The following EBF1 variants were observed in gnomAD, a reference collection of about 807,000 sequenced individuals.
EBF1 encodes the protein EBF transcription factor 1, also known as transcription factor COE1.
In EBF1, 10 loss-of-function variants were observed where a neutral mutation model predicts 68.4. The observed-to-expected ratio is 0.15, with a 90% CI of 0.09 to 0.25. The LOEUF (loss-of-function observed/expected upper bound fraction) is 0.25. Ranked by LOEUF, EBF1 falls within the 10% of genes least tolerant of loss-of-function variation. The pLI, the probability that EBF1 is intolerant of heterozygous loss-of-function variation, is 1.00. For missense variants in EBF1, 509 were observed against 794.4 expected (o/e 0.64, Z 4.32); for synonymous variants, 298 against 299.8 (o/e 0.99, Z 0.06).
At chr5:158,736,593 T>C (rs1261293543) in intron 10 of EBF1, among the ~76,000 whole-genome samples, 3 of 152,218 alleles carry the variant, frequency 2.0e-5, no homozygotes, top group African/African-American at 7.2e-5. Flanking sequence ...TAAAACCTCA[T>C]AGCAGAGGCA....
At chr5:158,828,805 A>G (rs1786800138) in intron 7 of EBF1, among the ~76,000 whole-genome samples, 1 of 152,242 alleles carries the variant, frequency 6.6e-6, no homozygotes, top group African/African-American at 2.4e-5. Flanking sequence ...TCAATGGATG[A>G]ATGGAAAAAC....
intron 6 of EBF1, chr5:159,019,066 T>C (rs1221023341): frequency 6.6e-6 from 1 of 152,136 alleles, no homozygotes; most frequent in African/African-American, 2.4e-5. Context: ...CCAGTAAGTG[T>C]TTACAGATGG....
chr5:158,945,376 G>T (rs941330119), intron 6 of EBF1, among the ~76,000 whole-genome samples: 4 of 152,152 alleles, frequency 2.6e-5, no homozygotes, highest in African/African-American at 4.8e-5. Flanking sequence ...AAGATCAGAT[G>T]GTTGTAGATG....
chr5:158,928,555 C>T (rs1339240843), intron 6 of EBF1, among the ~76,000 whole-genome samples: 1 of 152,202 alleles, frequency 6.6e-6, no homozygotes, highest in Non-Finnish European at 1.5e-5. Context: ...AAAGCACATC[C>T]ATACATTCTA....
chr5:158,849,364 T>C (rs1334727376), intron 6 of EBF1, among the ~76,000 whole-genome samples: 3 of 152,156 alleles, frequency 2.0e-5, no homozygotes, highest in East Asian at 1.9e-4. Context: ...GCCTTCACCA[T>C]AGGCTGCCTC....
chr5:158,994,694 G>C (rs945777455), intron 6 of EBF1, among the ~76,000 whole-genome samples: 1 of 152,140 alleles, frequency 6.6e-6, no homozygotes, highest in African/African-American at 2.4e-5. Flanking sequence ...CATTGGAATG[G>C]TTATTTTATC....
intron 8 of EBF1, among the ~76,000 whole-genome samples, chr5:158,810,077 G>A (rs1782360430): frequency 6.6e-6 from 1 of 152,150 alleles, no homozygotes; most frequent in African/African-American, 2.4e-5. Flanking sequence ...TATGAGGTTT[G>A]ACTTTATAGA....
chr5:158,950,897 C>G (rs1040423588), intron 6 of EBF1, among the ~76,000 whole-genome samples: 3 of 152,214 alleles, frequency 2.0e-5, no homozygotes, highest in Non-Finnish European at 2.9e-5. Flanking sequence ...GGCTACTTAG[C>G]TCTGGCCAAT....
chr5:158,792,340 A>T (rs1319915231), intron 9 of EBF1, among the ~76,000 whole-genome samples: 1 of 152,218 alleles, frequency 6.6e-6, no homozygotes, highest in Non-Finnish European at 1.5e-5. Flanking sequence ...GGCAGAGCTG[A>T]GTTAGGAGCA....
chr5:159,010,097 T>C (rs1764321082), intron 6 of EBF1, among the ~76,000 whole-genome samples: 1 of 152,204 alleles, frequency 6.6e-6, no homozygotes, highest in African/African-American at 2.4e-5. Context: ...CATGAAAGTA[T>C]ACAGCCCGAA....
intron 10 of EBF1, among the ~76,000 whole-genome samples, chr5:158,744,335 G>T (rs191444204): frequency 7.3e-6 from 1 of 136,450 alleles, no homozygotes; most frequent in East Asian, 2.0e-4. Flanking sequence ...ACAAATACAC[G>T]TCAAAAAGGT....
rs758355276 is a variant in EBF1 at position 158,825,924 on chromosome 5, TA to T, written c.637-2608del. ...TTAATCCACAGAGCGACTTGTAAATTAAAAAAAAAAAAACACTGTGAGATGC... is the reference window on the plus strand; with the variant it reads ...TTAATCCACAGAGCGACTTGTAAATTAAAAAAAAAAAACACTGTGAGATGC... On this transcript the variant is annotated intron_variant, in intron 7 of 15. Coordinates refer to ENST00000313708, the MANE Select transcript of EBF1 (RefSeq NM_024007.5). 3.7e-3 allele frequency among the ~76,000 whole-genome samples: 520 copies of T among 141,072 alleles called. 1 individual carries two copies. The highest frequency in any genetic ancestry group is 8.5e-3 in the African/African-American group (329 of 38,646). The allele number at this position is 141,072 out of a possible 152,430, so 92.5% of individuals were successfully genotyped here. A position where few individuals can be genotyped will look rare whatever the true frequency, so the allele number is the denominator to read the frequency against.
intron 11 of EBF1, among the ~76,000 whole-genome samples, chr5:158,729,052 G>A (rs755462347): frequency 6.6e-6 from 1 of 152,190 alleles, no homozygotes; most frequent in Non-Finnish European, 1.5e-5. Flanking sequence ...TTCCTGCTCT[G>A]CAGAGATTGG....
chr5:158,820,029 G>T (rs1007658335), intron 8 of EBF1, among the ~76,000 whole-genome samples: 5 of 152,104 alleles, frequency 3.3e-5, no homozygotes, highest in Non-Finnish European at 7.4e-5. Context: ...ATGCATGAAT[G>T]TAAAGCACGA....
chr5:159,078,032 G>A (rs1159992928), intron 5 of EBF1, among the ~76,000 whole-genome samples: 1 of 152,008 alleles, frequency 6.6e-6, no homozygotes, highest in Non-Finnish European at 1.5e-5. Flanking sequence ...AAGCCACCAC[G>A]CCCAGGCTAG....
intron 4 of EBF1, among the ~76,000 whole-genome samples, chr5:159,094,093 C>T (rs1367849939): frequency 9.4e-6 from 1 of 105,990 alleles, no homozygotes; most frequent in Non-Finnish European, 1.8e-5. Flanking sequence ...CCACTTAAGA[C>T]ATTTTTATTT....
intron 7 of EBF1, among the ~76,000 whole-genome samples, chr5:158,833,316 A>T (rs1788024456): frequency 6.6e-6 from 1 of 152,062 alleles, no homozygotes; most frequent in Admixed American, 6.6e-5. Flanking sequence ...AAAAAAAGAA[A>T]AAAAGAGAGG....
At chr5:159,027,812 C>T (rs752583248) in intron 6 of EBF1, among the ~76,000 whole-genome samples, 8 of 152,182 alleles carry the variant, frequency 5.3e-5, no homozygotes, top group Non-Finnish European at 1.2e-4. Flanking sequence ...TGTCACTCAG[C>T]AGGGTAGGCC....
chr5:158,876,951 G>A (rs1207704257), intron 6 of EBF1, among the ~76,000 whole-genome samples: 1 of 152,200 alleles, frequency 6.6e-6, no homozygotes, highest in Non-Finnish European at 1.5e-5. Flanking sequence ...TAAGCTGTTT[G>A]CTGTTTTCTT....
Sources: allele counts gnomAD v4.1 joint callset (sites outside exome capture counted in the v4.1 genomes callset), GRCh38; gene constraint gnomAD v4.1.1; transcripts MANE v1.5; gene names NCBI Gene and HGNC (gene_info 2026-07-23, HGNC 2026-07-21).